Variants in GSAP observed in about 807,000 individuals in gnomAD.
GSAP encodes gamma-secretase-activating protein.
Under a neutral mutation model 131.7 loss-of-function variants are expected in GSAP, and 118 were observed. That is an observed-to-expected ratio of 0.90 (90% confidence interval 0.77 to 1.04). The LOEUF is 1.04. Among genes scored for constraint, GSAP ranks in the 50% least tolerant of loss-of-function variants. The pLI is 0.00. For synonymous variants in GSAP, 381 were observed against 363.4 expected (o/e 1.05, Z -0.55); for missense variants, 1,019 against 1,013.2 (o/e 1.01, Z -0.08).
At chr7:77,340,632 G>A (rs1246682541) in intron 19 of GSAP, among the ~76,000 whole-genome samples, 1 of 152,142 alleles carries the variant, frequency 6.6e-6, no homozygotes, top group African/African-American at 2.4e-5. Flanking sequence ...TTTTATCCGT[G>A]GACCCAAAAC....
At chr7:77,379,172 G>C (rs1258221144) in intron 8 of GSAP, among the ~76,000 whole-genome samples, 1 of 151,842 alleles carries the variant, frequency 6.6e-6, no homozygotes, top group Non-Finnish European at 1.5e-5. Flanking sequence ...TCCAGGTAAA[G>C]GTATGTACTA....
intron 3 of GSAP, among the ~76,000 whole-genome samples, chr7:77,400,566 C>CAGT (rs1335097256): frequency 6.6e-6 from 1 of 152,180 alleles, no homozygotes. Context: ...CACAACCTAG[C>CAGT]AGTAGTAGGT....
chr7:77,397,794 G>A (rs1800669508), intron 3 of GSAP, among the ~76,000 whole-genome samples: 1 of 152,148 alleles, frequency 6.6e-6, no homozygotes, highest in African/African-American at 2.4e-5. Flanking sequence ...CTACTCATGG[G>A]ATTGTTAGGA....
chr7:77,391,686 C>A (rs1037725303), intron 5 of GSAP, among the ~76,000 whole-genome samples: 2 of 151,778 alleles, frequency 1.3e-5, no homozygotes, highest in African/African-American at 4.8e-5. Context: ...ATATTAAGAA[C>A]AAGCTGGACA....
At chr7:77,341,627 G>A (rs1291637099) in intron 19 of GSAP, among the ~76,000 whole-genome samples, 1 of 152,100 alleles carries the variant, frequency 6.6e-6, no homozygotes, top group Non-Finnish European at 1.5e-5. Context: ...GGCCCATTTG[G>A]CAACAACCCT....
chr7:77,397,059 C>A, intron 4 of GSAP, 24 bp from the exon 5 acceptor site: 2 of 1,501,026 alleles, frequency 1.3e-6, no homozygotes, highest in Non-Finnish European at 1.8e-6. Context: ...AAAAAAAATC[C>A]ATTAGCAATT....
At chr7:77,328,484 G>A (rs1442702373) in intron 22 of GSAP, 122 bp downstream of exon 22, 3 of 1,455,958 alleles carry the variant, frequency 2.1e-6, no homozygotes, top group Non-Finnish European at 2.7e-6. Flanking sequence ...ATATTAAAAG[G>A]TGCTGCCTGC....
rs776672441 is a variant in GSAP, at chr7:77,402,764, C to T, written c.243+1795G>A. Among the ~76,000 whole-genome samples the T allele has an allele frequency of 4.5e-4, 67 of 149,744 alleles. 1 individual carries two copies. In the Middle Eastern group the frequency reaches 0.018, roughly 40 times the overall value. ...TGGGAGAAGGGGAGGGTTTGTTTAG[C>T]GACTACGGTTCAGAAGAAAAATTTG... On this transcript the variant is annotated intron_variant, in intron 3 of 30. Coordinates refer to ENST00000257626, the MANE Select transcript of GSAP (RefSeq NM_017439.4).
chr7:77,386,865 C>T (rs77161735), intron 6 of GSAP, among the ~76,000 whole-genome samples: 1,755 of 152,244 alleles, frequency 0.012, 30 homozygotes, highest in African/African-American at 0.04. Context: ...AAATAACTGA[C>T]GAAGTACTAT....
At chr7:77,385,788 C>G (rs757785509) in intron 6 of GSAP, among the ~76,000 whole-genome samples, 29 of 152,206 alleles carry the variant, frequency 1.9e-4, no homozygotes, top group Non-Finnish European at 3.1e-4. Flanking sequence ...ACCCTCTCCC[C>G]TAACCCACTG....
At chr7:77,332,308 T>TG (rs1789273635) in intron 19 of GSAP, among the ~76,000 whole-genome samples, 1 of 152,246 alleles carries the variant, frequency 6.6e-6, no homozygotes, top group East Asian at 1.9e-4. Flanking sequence ...CATAACCTTT[T>TG]GGGGAGGTAG....
intron 3 of GSAP, 61 bp downstream of exon 3, chr7:77,404,498 G>T: frequency 1.2e-6 from 1 of 811,034 alleles, no homozygotes; most frequent in South Asian, 1.5e-5. Flanking sequence ...CTAGAAAAAG[G>T]AGGAGACAAA....
chr7:77,386,203 A>AC (rs1798542836), intron 6 of GSAP, among the ~76,000 whole-genome samples: 1 of 152,250 alleles, frequency 6.6e-6, no homozygotes, highest in African/African-American at 2.4e-5. Context: ...AGATGTATTG[A>AC]CATTTTTAAA....
At chr7:77,379,357 T>C (rs989068799) in intron 8 of GSAP, among the ~76,000 whole-genome samples, 1 of 150,712 alleles carries the variant, frequency 6.6e-6, no homozygotes, top group Non-Finnish European at 1.5e-5. Context: ...TATGTGGAAT[T>C]GCATATTCTT....
At chr7:77,352,133 CTTTT>C (rs1419528746) in intron 18 of GSAP, among the ~76,000 whole-genome samples, 1 of 152,124 alleles carries the variant, frequency 6.6e-6, no homozygotes, top group Non-Finnish European at 1.5e-5. Flanking sequence ...CTTGATACAT[CTTTT>C]TTAAGGACTA....
chr7:77,374,179 T>A, intron 11 of GSAP, 24 bp from the exon 12 acceptor site: 2 of 1,180,506 alleles, frequency 1.7e-6, no homozygotes, highest in Non-Finnish European at 2.5e-6. Flanking sequence ...GAATGAGAAA[T>A]TATTGAATGC....
At position 77,320,626 on chromosome 7, in the gene GSAP, A is replaced by G. The variant is rs1478090989; in HGVS notation, c.2089+99T>C. 5.4e-6 allele frequency: 4 copies of G among 740,706 alleles called. No homozygotes were observed. The South Asian group carries it at 6.5e-5, about 12-fold the overall frequency. The allele number at this position is 740,706 out of a possible 1,614,324, so 45.9% of individuals were successfully genotyped here. ...ACACCAGATACACAATTTCTCATAC[A>G]CAAGTCTCATCATCAAACTTATAAT... On this transcript the variant is annotated intron_variant, in intron 26 of 30. Transcript: ENST00000257626.
rs1793231223 is a variant in GSAP, at chr7:77,353,652, TCAGA to T, written c.1339-15_1339-12del. On this transcript the variant is annotated splice_polypyrimidine_tract_variant and intron_variant, in intron 16 of 30. Transcript: ENST00000257626. ...AATCCACTGAATAATCTTTAAAAAG[TCAGA>T]CAGAACTCTGTTGGTATTTAAATCT... The T allele has an allele frequency of 4.4e-6, 7 of 1,575,022 alleles. No individual in the cohort carries two copies. The South Asian group carries it at 7.8e-5, about 18-fold the overall frequency.
intron 19 of GSAP, among the ~76,000 whole-genome samples, chr7:77,337,394 C>T (rs1032427705): frequency 4.6e-5 from 7 of 152,092 alleles, no homozygotes; most frequent in African/African-American, 1.2e-4. Flanking sequence ...AGGCTGGTCT[C>T]GAACTCCTGG....
Sources: allele counts gnomAD v4.1 joint callset (sites outside exome capture counted in the v4.1 genomes callset), GRCh38; gene constraint gnomAD v4.1.1; transcripts MANE v1.5; gene names NCBI Gene and HGNC (gene_info 2026-07-23, HGNC 2026-07-21).